Variants in CUBN observed in about 807,000 individuals in gnomAD.
The protein encoded by CUBN is cubilin, also known as 460 kDa receptor.
CUBN carries 282 observed loss-of-function variants against 405.3 expected under a neutral mutation model. The observed-to-expected ratio is 0.70, with a 90% confidence interval of 0.63 to 0.77. CUBN has a LOEUF of 0.77. Ranked by LOEUF, CUBN falls within the 30% of genes least tolerant of loss-of-function variation. The pLI, the probability that CUBN is intolerant of heterozygous loss-of-function variation, is 0.00. For synonymous variants in CUBN, 1,684 were observed against 1,617.0 expected (o/e 1.04, Z -0.99); for missense variants, 4,514 against 4,475.2 (o/e 1.01, Z -0.25).
chr10:16,891,927 C>T (rs527913646), intron 54 of CUBN, among the ~76,000 whole-genome samples: 11 of 152,272 alleles, frequency 7.2e-5, no homozygotes, highest in African/African-American at 7.2e-5. Context: ...CAACAGACAA[C>T]TATCTCAAAC....
At chr10:16,984,662 G>C (rs1402899991) in intron 29 of CUBN, among the ~76,000 whole-genome samples, 1 of 152,102 alleles carries the variant, frequency 6.6e-6, no homozygotes, top group Non-Finnish European at 1.5e-5. Context: ...CTGAATTTTA[G>C]GGGGACCTTT....
At chr10:17,078,994 G>C (rs1183231601) in intron 17 of CUBN, among the ~76,000 whole-genome samples, 1 of 152,060 alleles carries the variant, frequency 6.6e-6, no homozygotes, top group African/African-American at 2.4e-5. Flanking sequence ...TTCTCTACAA[G>C]TTCTCACAAC....
intron 45 of CUBN, among the ~76,000 whole-genome samples, chr10:16,916,407 TG>T (rs1384445505): frequency 2.0e-5 from 3 of 152,166 alleles, no homozygotes; most frequent in Non-Finnish European, 2.9e-5. Flanking sequence ...TACCCTGTGT[TG>T]ATCCTAAAGA....
Position 16,824,229 on chromosome 10 carries a change from T to A in CUBN, c.*746A>T, listed in dbSNP as rs1019732806. ...CACCATGCCTGGCTAATTTTTTGAT[T>A]TTTTGTAAAAATCAGGTCTCACTTT... On this transcript the variant is annotated 3_prime_UTR_variant, in exon 67 of 67. Transcript: ENST00000377833. The A allele has an allele frequency of 1.3e-5, 2 of 151,984 alleles. No homozygotes were observed. The highest frequency in any genetic ancestry group is 4.8e-5 in the African/African-American group (2 of 41,350). 9.4% of individuals were successfully genotyped at this position (151,984 alleles called of 1,614,324 possible).
At chr10:16,953,022 G>A (rs1045425788) in intron 32 of CUBN, among the ~76,000 whole-genome samples, 2 of 152,182 alleles carry the variant, frequency 1.3e-5, no homozygotes, top group African/African-American at 4.8e-5. Flanking sequence ...GACTGACGCT[G>A]GAGAGAGGTC....
intron 51 of CUBN, 140 bp from the exon 52 acceptor site, chr10:16,901,599 A>C (rs1367753812): frequency 2.6e-6 from 3 of 1,155,580 alleles, no homozygotes; most frequent in Non-Finnish European, 3.7e-6. Context: ...CACGCCAGTA[A>C]TACCAGCACT....
At chr10:16,849,854 C>T (rs555669581) in intron 60 of CUBN, among the ~76,000 whole-genome samples, 16 of 152,162 alleles carry the variant, frequency 1.1e-4, no homozygotes, top group Admixed American at 2.0e-4. Context: ...GCTGTTGTCA[C>T]CTCACTCATT....
chr10:17,071,727 C>T (rs974439458), intron 18 of CUBN, 100 bp downstream of exon 18: 6 of 1,489,780 alleles, frequency 4.0e-6, no homozygotes, highest in Non-Finnish European at 5.6e-6. Context: ...AGAATATTTT[C>T]CACTTAACAC....
intron 56 of CUBN, 86 bp from the exon 57 acceptor site, chr10:16,877,183 T>C: frequency 9.0e-7 from 1 of 1,112,834 alleles, no homozygotes; most frequent in Non-Finnish European, 1.3e-6. Context: ...AATGTGATGA[T>C]GACTCATGCA....
chr10:16,872,349 C>CATATATATATATATATATATATAT (rs138781700), intron 58 of CUBN, among the ~76,000 whole-genome samples: 69 of 149,014 alleles, frequency 4.6e-4, no homozygotes, highest in African/African-American at 1.6e-3. Context: ...TGTATACATA[C>CATATATATATATATATATATATAT]ATATATATAT....
intron 31 of CUBN, chr10:16,965,588 A>C (rs1027350570): frequency 6.5e-6 from 1 of 152,994 alleles, no homozygotes; most frequent in Non-Finnish European, 1.5e-5. Flanking sequence ...AAAAAAAAAA[A>C]AAAACAGGAA....
intron 43 of CUBN, 61 bp from the exon 44 acceptor site, chr10:16,920,198 A>G: frequency 2.0e-6 from 3 of 1,522,254 alleles, no homozygotes; most frequent in Admixed American, 3.4e-5. Flanking sequence ...GTCAATGGCC[A>G]CAAATCATCT....
At chr10:17,020,743 G>A (rs879806171) in intron 27 of CUBN, among the ~76,000 whole-genome samples, 2 of 152,016 alleles carry the variant, frequency 1.3e-5, no homozygotes, top group African/African-American at 2.4e-5. Context: ...TCACTTAATT[G>A]TGTAAACCTT....
rs550688722 is a variant in CUBN at position 17,033,231 on chromosome 10, C to A, written c.4017+7802G>T. Among the ~76,000 whole-genome samples the A allele has an allele frequency of 7.2e-5, 11 of 152,294 alleles. No individual in the cohort carries two copies. In the East Asian group the frequency reaches 2.1e-3, roughly 29 times the overall value. On this transcript the variant is annotated intron_variant, in intron 27 of 66. Coordinates refer to ENST00000377833, the MANE Select transcript of CUBN (RefSeq NM_001081.4). The stretch of plus-strand genomic sequence containing the variant: ...AGCCTCACACTGCTCTCCTTCCAGT[C>A]CCTCACATCTCAAGCCTCCTGGCAC...
chr10:17,042,788 A>T (rs1442230210), intron 26 of CUBN, among the ~76,000 whole-genome samples: 1 of 152,200 alleles, frequency 6.6e-6, no homozygotes, highest in Non-Finnish European at 1.5e-5. Context: ...TTCATACATA[A>T]TCAAGGTTAA....
At chr10:17,059,366 G>A (rs1835456983) in intron 22 of CUBN, among the ~76,000 whole-genome samples, 1 of 152,088 alleles carries the variant, frequency 6.6e-6, no homozygotes. Flanking sequence ...CACAGAAATA[G>A]GATAAGCTGA....
chr10:17,113,364 G>C (rs890520158), intron 8 of CUBN, among the ~76,000 whole-genome samples: 1 of 152,052 alleles, frequency 6.6e-6, no homozygotes, highest in South Asian at 2.1e-4. Flanking sequence ...ATGAACCTGA[G>C]GTCTGGCTAA....
Position 16,877,567 on chromosome 10 carries a change from C to T in CUBN, c.8906-470G>A, listed in dbSNP as rs1446406726. ...ACTACCTAGCCCAACATGTCAATAG[C>T]GCTGCTACTGAGAAAACTTGCTCCA... On this transcript the variant is annotated intron_variant, in intron 56 of 66. Transcript: ENST00000377833. Among the ~76,000 whole-genome samples, 3 of 152,254 alleles carry T rather than the reference C, an allele frequency of 2.0e-5. No homozygotes were observed. In the South Asian group the frequency reaches 6.2e-4, roughly 32 times the overall value.
At position 16,967,843 on chromosome 10, in the gene CUBN, C is replaced by CGG. The variant is rs1564452511; in HGVS notation, c.4696-13296_4696-13295insCC. Among the ~76,000 whole-genome samples the CGG allele has an allele frequency of 6.8e-4, 75 of 110,936 alleles. 4 individuals are homozygous for CGG. The highest frequency in any genetic ancestry group is 4.4e-3 in the Middle Eastern group (1 of 228). 72.8% of individuals were successfully genotyped at this position (110,936 alleles called of 152,430 possible). On this transcript the variant is annotated intron_variant, in intron 31 of 66. Coordinates refer to ENST00000377833, the MANE Select transcript of CUBN (RefSeq NM_001081.4). The stretch of plus-strand genomic sequence containing the variant: ...AGAGGGAGAGAGAGAGAAGGAGAGA[C>CGG]AGAGGGAGAGAGAGAGAAGGAGAGA...
Sources: gnomAD v4.1 joint callset for allele counts (sites outside exome capture counted in the v4.1 genomes callset) on GRCh38, gnomAD v4.1.1 for gene constraint, MANE v1.5 for transcripts, NCBI Gene and HGNC (gene_info 2026-07-23, HGNC 2026-07-21) for gene names.